The following SH3GLB1 variants were observed in gnomAD, a reference collection of about 807,000 sequenced individuals.
SH3GLB1 encodes the protein SH3 domain containing GRB2 like, endophilin B1.
In SH3GLB1, 17 loss-of-function variants were observed where a neutral mutation model predicts 42.0. The ratio of observed to expected loss-of-function variants is 0.40; its 90% CI spans 0.28 to 0.61. The LOEUF is 0.61. Ranked by LOEUF, SH3GLB1 falls within the 20% of genes least tolerant of loss-of-function variation. The pLI, the probability that SH3GLB1 is intolerant of heterozygous loss-of-function variation, is 0.36. For synonymous variants in SH3GLB1, 132 were observed against 146.6 expected (o/e 0.90, Z 0.72); for missense variants, 355 against 426.3 (o/e 0.83, Z 1.47).
At chr1:86,728,491 T>A (rs1655325711) in intron 5 of SH3GLB1, 1 of 1,531,502 alleles carries the variant, frequency 6.5e-7, no homozygotes, top group African/African-American at 1.4e-5. Context: ...TGGCTGAAGG[T>A]TTGTTGGCCT....
rs1656338138 is a variant in SH3GLB1, at chr1:86,746,982, A to G, written c.*3747A>G. The G allele has an allele frequency of 6.6e-6, 1 of 152,590 alleles. No homozygotes were observed. The highest frequency in any genetic ancestry group is 2.1e-4 in the South Asian group (1 of 4,826). The allele number at this position is 152,590 out of a possible 1,614,324, so 9.5% of individuals were successfully genotyped here. A position where few individuals can be genotyped will look rare whatever the true frequency, so the allele number is the denominator to read the frequency against. ...GTTTAAAATGCTGATTACTATTTTC[A>G]AGAACTTTCTACCTTCATTTTTACT... On this transcript the variant is annotated 3_prime_UTR_variant, in exon 9 of 9. Transcript: ENST00000370558.
At chr1:86,727,147 C>G (rs2101959299) in intron 5 of SH3GLB1, among the ~76,000 whole-genome samples, 2 of 152,014 alleles carry the variant, frequency 1.3e-5, no homozygotes, top group South Asian at 4.1e-4. Flanking sequence ...AAAATCTCTG[C>G]CGCCCTCAGT....
intron 3 of SH3GLB1, 62 bp from the exon 4 acceptor site, chr1:86,722,478 T>G: frequency 6.8e-7 from 1 of 1,466,520 alleles, no homozygotes; most frequent in Non-Finnish European, 9.1e-7. Context: ...GATTTATCTT[T>G]ACATGATTTT....
chr1:86,735,139 T>C lies in SH3GLB1; in HGVS notation c.721T>C (p.Cys241Arg). 2 of 1,612,940 alleles carry C rather than the reference T, an allele frequency of 1.2e-6. No individual in the cohort carries two copies. The highest frequency in any genetic ancestry group is 1.7e-6 in the Non-Finnish European group (2 of 1,179,072). ...VEAQMTYYAQ[C>R]YQYMLDLQKQ... ...AGCCCAGATGACTTACTATGCACAG[T>C]GTTACCAGTATATGTTGGACCTCCA... The change falls in exon 7 of 9, where the codon TGT becomes CGT. Residue 241 changes from cysteine (C) to arginine (R), a missense_variant. Transcript: ENST00000370558.
chr1:86,738,667 A>G (rs928337330), intron 7 of SH3GLB1: 2 of 151,798 alleles, frequency 1.3e-5, no homozygotes, highest in African/African-American at 4.9e-5. Flanking sequence ...TTAGAGACAG[A>G]GTTTCACTCT....
chr1:86,728,569 A>G, intron 5 of SH3GLB1: 1 of 735,256 alleles, frequency 1.4e-6, no homozygotes, highest in Non-Finnish European at 2.1e-6. Flanking sequence ...ATTTTGAAAT[A>G]ATTGGAACCA....
intron 5 of SH3GLB1, among the ~76,000 whole-genome samples, chr1:86,726,086 A>T (rs1352175570): frequency 2.0e-5 from 3 of 152,092 alleles, no homozygotes; most frequent in Non-Finnish European, 4.4e-5. Context: ...TAAATTATAA[A>T]CTAGTTTTTA....
At chr1:86,741,645 T>C (rs1656062948) in intron 7 of SH3GLB1, among the ~76,000 whole-genome samples, 1 of 152,228 alleles carries the variant, frequency 6.6e-6, no homozygotes, top group Non-Finnish European at 1.5e-5. Context: ...GGGAATAGTA[T>C]CATTTCATCT....
At position 86,724,902 on chromosome 1, in the gene SH3GLB1, T is replaced by TATATATATATA. The variant is rs1553208279; in HGVS notation, c.570+499_570+509dup. On this transcript the variant is annotated intron_variant, in intron 5 of 8. Transcript: ENST00000370558. ...AAAAAAAAAAAAAAAAATATATATA[T>TATATATATATA]ATATATATATAAAATATATAATATA... 9.9e-3 allele frequency among the ~76,000 whole-genome samples: 1,278 copies of TATATATATATA among 129,350 alleles called. 64 individuals carry two copies. Among genetic ancestry groups the TATATATATATA allele is most frequent in the African/African-American group, 0.04 (1,217 of 30,114 alleles). The allele number at this position is 129,350 out of a possible 152,430, so 84.9% of individuals were successfully genotyped here. A position where few individuals can be genotyped will look rare whatever the true frequency, so the allele number is the denominator to read the frequency against.
chr1:86,729,936 G>A (rs549605059), intron 5 of SH3GLB1, among the ~76,000 whole-genome samples: 4 of 152,154 alleles, frequency 2.6e-5, no homozygotes, highest in Admixed American at 6.5e-5. Flanking sequence ...AAGCTGTACC[G>A]ATTTAGTTAC....
intron 1 of SH3GLB1, among the ~76,000 whole-genome samples, chr1:86,712,058 T>C (rs941745654): frequency 1.3e-5 from 2 of 152,154 alleles, no homozygotes; most frequent in African/African-American, 2.4e-5. Context: ...ATCCTTTTGC[T>C]TCCACCAATG....
At chr1:86,710,160 A>G (rs1654116909) in intron 1 of SH3GLB1, among the ~76,000 whole-genome samples, 1 of 152,376 alleles carries the variant, frequency 6.6e-6, no homozygotes, top group Non-Finnish European at 1.5e-5. Context: ...AATAGATAGA[A>G]GATAGTTTGT....
intron 5 of SH3GLB1, among the ~76,000 whole-genome samples, chr1:86,728,662 G>C (rs2101963012): frequency 6.6e-6 from 1 of 152,214 alleles, no homozygotes; most frequent in South Asian, 2.1e-4. Context: ...GAAATTGTAT[G>C]TTCTGATTGC....
rs1003929851 is a variant in SH3GLB1 at position 86,705,244 on chromosome 1, C to T, written c.72+273C>T. 2.6e-5 allele frequency among the ~76,000 whole-genome samples: 4 copies of T among 152,314 alleles called. No individual in the cohort carries two copies. The East Asian group carries it at 7.7e-4, about 29-fold the overall frequency. On this transcript the variant is annotated intron_variant, in intron 1 of 8. Coordinates refer to ENST00000370558, the MANE Select transcript of SH3GLB1 (RefSeq NM_016009.5). Reference sequence around the variant, plus strand: ...ACCCCTGGGGAACACTAAGGCTGCACTGTCCGCCTTTCTGATACCACGACG... The same window carrying T: ...ACCCCTGGGGAACACTAAGGCTGCATTGTCCGCCTTTCTGATACCACGACG...
chr1:86,743,140 T>A lies in SH3GLB1; in HGVS notation c.1003T>A (p.Phe335Ile). 1 of 1,612,172 alleles carries A rather than the reference T, an allele frequency of 6.2e-7. No individual in the cohort carries two copies. Among genetic ancestry groups the A allele is most frequent in the Non-Finnish European group, 8.5e-7 (1 of 1,179,486 alleles). The stretch of plus-strand genomic sequence containing the variant: ...TTTTATTTTGCAGGTGATCACTGTG[T>A]TCAGTGTTGTTGGAATGGATTCAGA... ...SLLADEVITVFSVVGMDSDWL... is the reference protein window; with the variant it reads ...SLLADEVITVISVVGMDSDWL... Residue 335 changes from phenylalanine to isoleucine, a missense_variant, in exon 9 of 9, where the codon TTC (phenylalanine) becomes ATC (isoleucine). By Grantham distance (21) the Phe-to-Ile change is conservative (BLOSUM62 0). Transcript: ENST00000370558.
At chr1:86,735,268 G>C (rs1180806409) in intron 7 of SH3GLB1, 89 bp downstream of exon 7, 1 of 781,794 alleles carries the variant, frequency 1.3e-6, no homozygotes, top group Non-Finnish European at 2.1e-6. Flanking sequence ...AGCAATTAAA[G>C]GTTCTTACTA....
chr1:86,716,096 C>A (rs557526498), intron 2 of SH3GLB1, among the ~76,000 whole-genome samples: 1 of 152,116 alleles, frequency 6.6e-6, no homozygotes, highest in Admixed American at 6.6e-5. Context: ...TAAAAAATCT[C>A]AATTTTAGGC....
chr1:86,710,532 TG>T (rs1654152553), intron 1 of SH3GLB1, among the ~76,000 whole-genome samples: 1 of 152,220 alleles, frequency 6.6e-6, no homozygotes, highest in Non-Finnish European at 1.5e-5. Flanking sequence ...CCCAAAGTGC[TG>T]GGATTACAGG....
At chr1:86,714,134 G>A (rs1417998395) in intron 1 of SH3GLB1, among the ~76,000 whole-genome samples, 1 of 152,222 alleles carries the variant, frequency 6.6e-6, no homozygotes. Flanking sequence ...TCACCTGAGT[G>A]AAAGGTATTC....
Sources: allele counts gnomAD v4.1 joint callset (sites outside exome capture counted in the v4.1 genomes callset), GRCh38; gene constraint gnomAD v4.1.1; transcripts MANE v1.5; gene names NCBI Gene and HGNC (gene_info 2026-07-23, HGNC 2026-07-21).